The following TTLL5 variants were observed in gnomAD, a reference collection of about 807,000 sequenced individuals.
TTLL5 encodes tubulin tyrosine ligase like 5, also known as tubulin polyglutamylase TTLL5.
In TTLL5, 132 loss-of-function variants were observed where a neutral mutation model predicts 168.4. The observed-to-expected ratio is 0.78, with a 90% confidence interval of 0.68 to 0.91. TTLL5 has a LOEUF of 0.91. Among genes scored for constraint, TTLL5 ranks in the 40% least tolerant of loss-of-function variants. The pLI is 0.00. For synonymous variants in TTLL5, 546 were observed against 558.6 expected (o/e 0.98, Z 0.32); for missense variants, 1,545 against 1,581.5 (o/e 0.98, Z 0.39).
At chr14:75,702,281 C>T (rs892196930) in intron 7 of TTLL5, among the ~76,000 whole-genome samples, 1 of 152,202 alleles carries the variant, frequency 6.6e-6, no homozygotes, top group Non-Finnish European at 1.5e-5. Context: ...GGCTCTGTCT[C>T]CTCTTGTCTC....
At chr14:75,850,072 C>T (rs1896762541) in intron 28 of TTLL5, among the ~76,000 whole-genome samples, 1 of 151,742 alleles carries the variant, frequency 6.6e-6, no homozygotes, top group South Asian at 2.1e-4. Flanking sequence ...TACTACTACA[C>T]TCTAGTCTGA....
chr14:75,773,517 A>ATTTC (rs1891469286), intron 21 of TTLL5, among the ~76,000 whole-genome samples: 1 of 152,198 alleles, frequency 6.6e-6, no homozygotes, highest in Non-Finnish European at 1.5e-5. Flanking sequence ...TTCACACAGT[A>ATTTC]TTTCTTTGGG....
At chr14:75,904,774 G>A (rs2033077688) in intron 31 of TTLL5, among the ~76,000 whole-genome samples, 1 of 152,086 alleles carries the variant, frequency 6.6e-6, no homozygotes, top group African/African-American at 2.4e-5. Context: ...TCACCAATAG[G>A]CTCTGGGCCT....
chr14:75,927,147 AT>A (rs1388559410), intron 31 of TTLL5, among the ~76,000 whole-genome samples: 3 of 152,156 alleles, frequency 2.0e-5, no homozygotes, highest in African/African-American at 7.2e-5. Flanking sequence ...GTATGTGTTT[AT>A]GGGGTACATG....
intron 18 of TTLL5, among the ~76,000 whole-genome samples, chr14:75,753,854 T>G (rs1352211531): frequency 6.6e-6 from 1 of 152,184 alleles, no homozygotes; most frequent in Non-Finnish European, 1.5e-5. Context: ...ATCTTTAGAG[T>G]TTAGATACTT....
chr14:75,753,034 C>T (rs1194909959), intron 18 of TTLL5, 79 bp downstream of exon 18: 1 of 1,347,938 alleles, frequency 7.4e-7, no homozygotes, highest in African/African-American at 1.5e-5. Flanking sequence ...GGAAACAGAC[C>T]TTATAAAAGT....
intron 31 of TTLL5, among the ~76,000 whole-genome samples, chr14:75,913,978 G>A (rs2033490768): frequency 7.4e-6 from 1 of 134,508 alleles, no homozygotes; most frequent in South Asian, 2.4e-4. Context: ...TTGTACCACT[G>A]CGCTCCAGCC....
At chr14:75,943,043 A>C (rs2041153212) in intron 31 of TTLL5, among the ~76,000 whole-genome samples, 2 of 152,242 alleles carry the variant, frequency 1.3e-5, no homozygotes, top group Non-Finnish European at 1.5e-5. Flanking sequence ...AAGCAAAAAT[A>C]AAGATGGGTT....
rs189206041 is a variant in TTLL5, at chr14:75,791,570, A to G, written c.2987-1346A>G. On this transcript the variant is annotated intron_variant, in intron 26 of 31. Transcript: ENST00000298832. Reference sequence around the variant, plus strand: ...ACTTTTTTTTTTAAAAGAATGTTTGATAAGGGGAGATTAGGAATGGGGAGG... The same window carrying G: ...ACTTTTTTTTTTAAAAGAATGTTTGGTAAGGGGAGATTAGGAATGGGGAGG... Among the ~76,000 whole-genome samples the G allele has an allele frequency of 2.2e-3, 338 of 152,202 alleles. 1 individual carries two copies. The highest frequency in any genetic ancestry group is 7.7e-3 in the African/African-American group (319 of 41,528).
At chr14:75,895,526 T>A (rs185443454) in intron 30 of TTLL5, among the ~76,000 whole-genome samples, 3,524 of 151,810 alleles carry the variant, frequency 0.023, 48 homozygotes, top group African/African-American at 0.035. Context: ...AGGTTTTTTT[T>A]TAAAAAAAAT....
chr14:75,813,625 G>A (rs1043199873), intron 27 of TTLL5, among the ~76,000 whole-genome samples: 1 of 151,950 alleles, frequency 6.6e-6, no homozygotes, highest in East Asian at 1.9e-4. Flanking sequence ...GAATTTAGCC[G>A]TCATTAGTAT....
intron 18 of TTLL5, among the ~76,000 whole-genome samples, chr14:75,760,746 G>T (rs953389385): frequency 3.3e-5 from 5 of 151,998 alleles, no homozygotes; most frequent in Non-Finnish European, 7.4e-5. Flanking sequence ...AACCCCAACC[G>T]CTGTTTCCCA....
At chr14:75,727,591 G>T (rs771073320) in intron 12 of TTLL5, among the ~76,000 whole-genome samples, 13 of 152,190 alleles carry the variant, frequency 8.5e-5, no homozygotes, top group Non-Finnish European at 1.2e-4. Context: ...CCTATGTCTT[G>T]TGGTGGTGTT....
chr14:75,721,761 A>T (rs1403247543), intron 12 of TTLL5, among the ~76,000 whole-genome samples: 1 of 152,194 alleles, frequency 6.6e-6, no homozygotes, highest in Non-Finnish European at 1.5e-5. Context: ...GTTGTACTCA[A>T]TAAAAATTAT....
chr14:75,673,093 C>T (rs373248673), intron 3 of TTLL5, among the ~76,000 whole-genome samples: 6 of 151,164 alleles, frequency 4.0e-5, no homozygotes, highest in South Asian at 2.1e-4. Flanking sequence ...TGTACACCAC[C>T]ATGGCTAGCT....
At chr14:75,775,343 C>T (rs1403240213) in intron 21 of TTLL5, 141 bp from the exon 22 acceptor site, 3 of 945,626 alleles carry the variant, frequency 3.2e-6, no homozygotes, top group Non-Finnish European at 4.6e-6. Flanking sequence ...TATACCTAAC[C>T]TTTTTGTTCT....
At chr14:75,833,566 A>G (rs1365656817) in intron 28 of TTLL5, among the ~76,000 whole-genome samples, 1 of 152,210 alleles carries the variant, frequency 6.6e-6, no homozygotes, top group Non-Finnish European at 1.5e-5. Flanking sequence ...TAATATTCTT[A>G]TCTCTAAAAT....
chr14:75,676,978 C>T (rs998398568), intron 3 of TTLL5, among the ~76,000 whole-genome samples: 1 of 151,940 alleles, frequency 6.6e-6, no homozygotes, highest in Non-Finnish European at 1.5e-5. Flanking sequence ...TCCTATGTTG[C>T]TCAGGCTGGA....
chr14:75,744,030 C>T (rs1057324627), intron 15 of TTLL5, among the ~76,000 whole-genome samples: 2 of 152,130 alleles, frequency 1.3e-5, no homozygotes, highest in African/African-American at 4.8e-5. Context: ...TTGAGAGAAA[C>T]CAACATTCAG....
Sources: allele counts gnomAD v4.1 joint callset (sites outside exome capture counted in the v4.1 genomes callset), GRCh38; gene constraint gnomAD v4.1.1; transcripts MANE v1.5; gene names NCBI Gene and HGNC (gene_info 2026-07-23, HGNC 2026-07-21).